SPON1: variants seen among roughly 807,000 people sequenced by gnomAD.
SPON1 encodes the protein spondin 1.
SPON1 carries 52 observed loss-of-function variants against 111.7 expected under a neutral mutation model. That is an observed-to-expected ratio of 0.47 (90% confidence interval 0.37 to 0.59). SPON1 has a LOEUF of 0.59. Ranked by LOEUF, SPON1 falls within the 20% of genes least tolerant of loss-of-function variation. SPON1 has a pLI of 0.00. For missense variants in SPON1, 957 were observed against 1,068.5 expected (o/e 0.90, Z 1.46); for synonymous variants, 410 against 395.8 (o/e 1.04, Z -0.43).
chr11:14,201,930 T>C (rs542781404), intron 6 of SPON1, among the ~76,000 whole-genome samples: 1 of 152,260 alleles, frequency 6.6e-6, no homozygotes, highest in African/African-American at 2.4e-5. Context: ...TTTTTCCTAA[T>C]CTGTTTAGCT....
intron 1 of SPON1, among the ~76,000 whole-genome samples, chr11:13,978,264 C>T (rs1463144482): frequency 6.6e-6 from 1 of 152,094 alleles, no homozygotes; most frequent in Non-Finnish European, 1.5e-5. Flanking sequence ...AATTTTAGAA[C>T]CAGCTTGTCA....
At chr11:14,224,301 C>G (rs1554937893) in intron 6 of SPON1, among the ~76,000 whole-genome samples, 1 of 152,004 alleles carries the variant, frequency 6.6e-6, no homozygotes, top group East Asian at 1.9e-4. Flanking sequence ...ACCTTGGAAG[C>G]ACAGAGGAAG....
chr11:14,161,011 T>A (rs182370523), intron 6 of SPON1, among the ~76,000 whole-genome samples: 1 of 35,126 alleles, frequency 2.8e-5, no homozygotes. Context: ...ATTTATATAT[T>A]TATATATCTA....
chr11:13,966,392 G>A (rs1280304723), intron 1 of SPON1, among the ~76,000 whole-genome samples: 2 of 152,152 alleles, frequency 1.3e-5, no homozygotes, highest in Non-Finnish European at 2.9e-5. Flanking sequence ...ACAATTTCAA[G>A]CCAAACAGAA....
At chr11:14,236,363 C>T (rs139030340) in intron 6 of SPON1, among the ~76,000 whole-genome samples, 6 of 152,088 alleles carry the variant, frequency 3.9e-5, no homozygotes, top group Admixed American at 6.5e-5. Flanking sequence ...ACTGAAAGTA[C>T]GGCATTGCCA....
At chr11:14,095,832 A>G (rs1010810014) in intron 5 of SPON1, among the ~76,000 whole-genome samples, 9 of 152,252 alleles carry the variant, frequency 5.9e-5, no homozygotes, top group Admixed American at 1.3e-4. Flanking sequence ...TGGGCACCCA[A>G]TGGCGCAGCT....
rs146051398 is a variant in SPON1, at chr11:13,995,310, G to C, written c.345+12357G>C. Among the ~76,000 whole-genome samples, 3 of 152,292 alleles carry C rather than the reference G, an allele frequency of 2.0e-5. No individual in the cohort carries two copies. The East Asian group carries it at 5.8e-4, about 29-fold the overall frequency. On this transcript the variant is annotated intron_variant, in intron 2 of 15. Coordinates refer to ENST00000576479, the MANE Select transcript of SPON1 (RefSeq NM_006108.4). ...TAAATAAGACATGGTATGTTAGTCT[G>C]TTTTCACACTGCTATAAAGATACTA...
intron 2 of SPON1, among the ~76,000 whole-genome samples, chr11:14,035,404 A>G (rs1554916511): frequency 6.6e-6 from 1 of 152,150 alleles, no homozygotes; most frequent in Non-Finnish European, 1.5e-5. Flanking sequence ...GGGAATGGAA[A>G]TAATATATGT....
chr11:14,235,315 C>T (rs1848851032), intron 6 of SPON1, among the ~76,000 whole-genome samples: 1 of 152,178 alleles, frequency 6.6e-6, no homozygotes, highest in Non-Finnish European at 1.5e-5. Flanking sequence ...GATAGTACAG[C>T]AGTGAGCAAA....
intron 6 of SPON1, among the ~76,000 whole-genome samples, chr11:14,184,174 A>T (rs1376474954): frequency 1.3e-5 from 2 of 152,148 alleles, no homozygotes; most frequent in Non-Finnish European, 2.9e-5. Flanking sequence ...TCATTTACAG[A>T]TTCCCTTTTC....
intron 5 of SPON1, among the ~76,000 whole-genome samples, chr11:14,122,004 T>C (rs1438753039): frequency 2.0e-5 from 3 of 152,008 alleles, no homozygotes; most frequent in African/African-American, 7.2e-5. Context: ...TATCGCTTTT[T>C]GTTGCTTTGA....
chr11:13,993,090 T>G (rs1848244051), intron 2 of SPON1, among the ~76,000 whole-genome samples: 1 of 148,012 alleles, frequency 6.8e-6, no homozygotes, highest in African/African-American at 2.5e-5. Context: ...AGGGTTACTT[T>G]GCTTCTTTAT....
rs1554941619 is a variant in SPON1 at position 14,259,343 on chromosome 11, T to C, written c.1556T>C (p.Met519Thr). Residue 519 changes from methionine (M) to threonine (T), a missense_variant, in exon 12 of 16, where the codon ATG becomes ACG. Transcript: ENST00000576479. This position sits in a 1 kb window ranked among gnomAD's most constrained non-coding sequence, Gnocchi z 5.0. ...TWSPCSISCG[M>T]GMRSRERYVK... is the part of the protein sequence containing the mutation. ...TCGCCCTGCAGCATCTCCTGCGGCA[T>C]GGGCATGAGGTCCCGGGAGAGGTAT... 1 of 1,613,124 alleles carries C rather than the reference T, an allele frequency of 6.2e-7. No individual in the cohort carries two copies. The highest frequency in any genetic ancestry group is 1.1e-5 in the South Asian group (1 of 90,736).
At chr11:14,023,451 G>A (rs1848494859) in intron 2 of SPON1, among the ~76,000 whole-genome samples, 1 of 152,176 alleles carries the variant, frequency 6.6e-6, no homozygotes, top group South Asian at 2.1e-4. Flanking sequence ...TGCCAAGTGT[G>A]TAGTAGATAA....
At chr11:14,090,824 G>GCCC (rs1176498162) in intron 5 of SPON1, among the ~76,000 whole-genome samples, 1 of 45,608 alleles carries the variant, frequency 2.2e-5, no homozygotes, top group East Asian at 2.4e-3. Context: ...CTCTTATCTG[G>GCCC]CCCCCCCCCC....
chr11:14,010,359 G>A (rs1197098234), intron 2 of SPON1, among the ~76,000 whole-genome samples: 1 of 152,070 alleles, frequency 6.6e-6, no homozygotes, highest in Non-Finnish European at 1.5e-5. Flanking sequence ...GGGATTAAGG[G>A]CAGACTGGGA....
intron 6 of SPON1, among the ~76,000 whole-genome samples, chr11:14,155,151 ATCT>A (rs1187928683): frequency 2.6e-5 from 4 of 152,108 alleles, no homozygotes; most frequent in Non-Finnish European, 4.4e-5. Flanking sequence ...TCATCTTCCT[ATCT>A]TCTTCTAAGC....
At chr11:14,255,522 T>C (rs923557255) in intron 8 of SPON1, 125 bp from the exon 9 acceptor site, 2 of 822,492 alleles carry the variant, frequency 2.4e-6, no homozygotes, top group Non-Finnish European at 3.9e-6. Context: ...ATTCCATAAA[T>C]ATAAATAGTA....
chr11:14,206,228 C>G (rs1327220566), intron 6 of SPON1, among the ~76,000 whole-genome samples: 1 of 152,092 alleles, frequency 6.6e-6, no homozygotes. Flanking sequence ...GAGTCTTGCT[C>G]TGTCACCCAG....
Sources: gnomAD v4.1 joint callset for allele counts (sites outside exome capture counted in the v4.1 genomes callset) on GRCh38, gnomAD v4.1.1 for gene constraint, Gnocchi (gnomAD v3.1) non-coding constraint, MANE v1.5 for transcripts, NCBI Gene and HGNC (gene_info 2026-07-23, HGNC 2026-07-21) for gene names.